The following IGDCC4 variants were observed in gnomAD, a reference collection of about 807,000 sequenced individuals.
The protein encoded by IGDCC4 is immunoglobulin superfamily DCC subclass member 4.
IGDCC4 carries 72 observed loss-of-function variants against 116.6 expected under a neutral mutation model. The ratio of observed to expected loss-of-function variants is 0.62; its 90% CI spans 0.51 to 0.75. IGDCC4 has a LOEUF of 0.75. Ranked by LOEUF, IGDCC4 falls within the 30% of genes least tolerant of loss-of-function variation. The pLI is 0.00. For synonymous variants in IGDCC4, 709 were observed against 719.9 expected (o/e 0.98, Z 0.24); for missense variants, 1,501 against 1,662.4 (o/e 0.90, Z 1.69).
chr15:65,388,333 C>A, intron 16 of IGDCC4, 116 bp downstream of exon 16: 2 of 1,404,536 alleles, frequency 1.4e-6, no homozygotes, highest in South Asian at 2.5e-5. Flanking sequence ...TTCACATTTG[C>A]TCTGCCCCCA....
chr15:65,391,118 T>C (rs2091510061), intron 12 of IGDCC4, among the ~76,000 whole-genome samples: 1 of 152,140 alleles, frequency 6.6e-6, no homozygotes, highest in South Asian at 2.1e-4. Flanking sequence ...TAATCCCAGC[T>C]GCTCAAGAGG....
intron 1 of IGDCC4, among the ~76,000 whole-genome samples, chr15:65,420,865 T>A (rs574869805): frequency 6.6e-6 from 1 of 152,156 alleles, no homozygotes; most frequent in Admixed American, 6.6e-5. Flanking sequence ...TTCCTGCGTC[T>A]TCCCCAGCAC....
chr15:65,397,666 T>TAAA (rs59114878), intron 5 of IGDCC4, among the ~76,000 whole-genome samples: 11 of 114,628 alleles, frequency 9.6e-5, no homozygotes, highest in African/African-American at 3.3e-4. Flanking sequence ...TCCGTCTCTA[T>TAAA]AAAAAAAAAA....
intron 1 of IGDCC4, among the ~76,000 whole-genome samples, chr15:65,415,292 GAACA>G (rs1399048059): frequency 2.0e-5 from 3 of 152,226 alleles, no homozygotes; most frequent in Admixed American, 1.3e-4. Flanking sequence ...CTGCTGCGTT[GAACA>G]AACAATGTGA....
chr15:65,422,151 C>T (rs1218383022), intron 1 of IGDCC4, among the ~76,000 whole-genome samples: 1 of 152,090 alleles, frequency 6.6e-6, no homozygotes, highest in Non-Finnish European at 1.5e-5. Context: ...AGCAACACCT[C>T]CCTCTACCCC....
intron 1 of IGDCC4, among the ~76,000 whole-genome samples, chr15:65,417,079 C>T (rs1198996700): frequency 1.3e-5 from 2 of 152,170 alleles, no homozygotes; most frequent in Non-Finnish European, 2.9e-5. Context: ...ATCAGTGCCT[C>T]CTCACTTCTG....
In IGDCC4 at chr15:65,422,925, G is replaced by T; in HGVS notation, c.-63C>A. ...CCCGTGCTTCGGCCGCCGCCGCGGG[G>T]GGAGAGCGCGCCGGGCGTCAGTGGC... is the stretch of plus-strand genomic sequence containing the variant. On this transcript the variant is annotated 5_prime_UTR_variant, in exon 1 of 20. Transcript: ENST00000352385. 2 of 965,146 alleles carry T rather than the reference G, an allele frequency of 2.1e-6. No individual in the cohort carries two copies. Among genetic ancestry groups the T allele is most frequent in the Non-Finnish European group, 2.5e-6 (2 of 813,716 alleles). 59.8% of individuals were successfully genotyped at this position (965,146 alleles called of 1,614,324 possible).
At chr15:65,412,020 C>A (rs945230897) in intron 1 of IGDCC4, among the ~76,000 whole-genome samples, 22 of 152,300 alleles carry the variant, frequency 1.4e-4, no homozygotes, top group Non-Finnish European at 2.2e-4. Context: ...AAAAGCATAC[C>A]AGCCTGGGTA....
intron 1 of IGDCC4, among the ~76,000 whole-genome samples, chr15:65,415,872 A>C (rs1338798452): frequency 2.0e-5 from 3 of 152,106 alleles, no homozygotes; most frequent in Non-Finnish European, 4.4e-5. Flanking sequence ...CCTAAGTCTC[A>C]CACTGAAAAC....
Position 65,415,017 on chromosome 15 carries a change from T to G in IGDCC4, c.71-3647A>C, listed in dbSNP as rs113863255. Reference sequence around the variant, plus strand: ...GGGAGCTTATTCTTTAAAGGCACTTTGTAACTATAAAGGGCTGTACAAGTG... The same window carrying G: ...GGGAGCTTATTCTTTAAAGGCACTTGGTAACTATAAAGGGCTGTACAAGTG... On this transcript the variant is annotated intron_variant, in intron 1 of 19. Transcript: ENST00000352385. Among the ~76,000 whole-genome samples the G allele has an allele frequency of 3.5e-3, 536 of 152,312 alleles. 1 individual carries two copies. The highest frequency in any genetic ancestry group is 0.013 in the African/African-American group (523 of 41,566).
rs143372325 is a variant in IGDCC4 at position 65,394,487 on chromosome 15, C to T, written c.1638G>A (p.Ala546=). The change falls in exon 9 of 20, where the codon GCG becomes GCA. Residue 546 remains alanine, a synonymous_variant. Coordinates refer to ENST00000352385, the MANE Select transcript of IGDCC4 (RefSeq NM_020962.3). ...SSPNPSDIRV[A]WLPLPPSLSN... is the part of the protein sequence containing the mutation. Reference sequence around the variant, plus strand: ...TCAGGCTGGGGGGCAGGGGCAGCCACGCCACCCTGATGTCCGAAGGGTTGG... The same window carrying T: ...TCAGGCTGGGGGGCAGGGGCAGCCATGCCACCCTGATGTCCGAAGGGTTGG... 63 of 1,613,724 alleles carry T rather than the reference C, an allele frequency of 3.9e-5. No homozygotes were observed. Among genetic ancestry groups the T allele is most frequent in the African/African-American group, 3.6e-4 (27 of 75,014 alleles).
intron 1 of IGDCC4, among the ~76,000 whole-genome samples, chr15:65,420,519 A>T (rs975803804): frequency 1.4e-4 from 21 of 151,836 alleles, no homozygotes; most frequent in African/African-American, 4.8e-4. Context: ...GCTCATGGGG[A>T]CTCTCAGGCC....
At chr15:65,416,132 T>C (rs2063140459) in intron 1 of IGDCC4, among the ~76,000 whole-genome samples, 1 of 146,110 alleles carries the variant, frequency 6.8e-6, no homozygotes, top group African/African-American at 2.6e-5. Flanking sequence ...CTAAAATGTT[T>C]TGACTTTTTT....
chr15:65,388,519 C>G lies in IGDCC4; in HGVS notation c.2775G>C (p.Ala925=), dbSNP rs182317592. 3 of 1,614,034 alleles carry G rather than the reference C, an allele frequency of 1.9e-6. No homozygotes were observed. The African/African-American group carries it at 4.0e-5, about 22-fold the overall frequency. ...SDTRYFFKMG[A]RTEVGPGPFS... ...AAGGCCCAGGTCCCACCTCTGTGCG[C>G]GCCCCCATCTTGAAGAAGTACCGAG... The change falls in exon 16 of 20, where the codon GCG becomes GCC. Residue 925 remains alanine, a synonymous_variant. Transcript: ENST00000352385.
At position 65,402,423 on chromosome 15, in the gene IGDCC4, A is replaced by G; in HGVS notation, c.628T>C (p.Tyr210His). ...GCTGAGTTGGTGGCCACGCAGCGGT[A>G]GGGGCCTGCATCACTCTCCTGAACA... ...LDVQESDAGP[Y>H]RCVATNSARQ... is the part of the protein sequence containing the mutation. Residue 210 changes from tyrosine (Y) to histidine (H), a missense_variant, in exon 4 of 20, where the codon TAC (tyrosine) becomes CAC (histidine). Coordinates refer to ENST00000352385, the MANE Select transcript of IGDCC4 (RefSeq NM_020962.3). 1 of 1,567,730 alleles carries G rather than the reference A, an allele frequency of 6.4e-7. No individual in the cohort carries two copies.
chr15:65,410,365 G>A (rs1567092285), intron 2 of IGDCC4, 46 bp from the exon 3 acceptor site: 1 of 1,609,258 alleles, frequency 6.2e-7, no homozygotes, highest in South Asian at 1.1e-5. Flanking sequence ...GAATAGGAGA[G>A]AGAAGCCACA....
chr15:65,422,558 G>A (rs1382129272), intron 1 of IGDCC4, among the ~76,000 whole-genome samples: 1 of 89,098 alleles, frequency 1.1e-5, no homozygotes, highest in Non-Finnish European at 2.3e-5. Context: ...ACACACACAC[G>A]ACTCCAGACT....
chr15:65,399,530 C>T (rs1193714523), intron 5 of IGDCC4, among the ~76,000 whole-genome samples: 2 of 151,822 alleles, frequency 1.3e-5, no homozygotes, highest in Non-Finnish European at 2.9e-5. Context: ...TAATAAGTCC[C>T]CTGGGTAACC....
chr15:65,418,830 G>T (rs866691936), intron 1 of IGDCC4, among the ~76,000 whole-genome samples: 3 of 152,092 alleles, frequency 2.0e-5, no homozygotes, highest in South Asian at 2.1e-4. Flanking sequence ...GGTGGGGGGG[G>T]TTAAGTGGAG....
Sources: gnomAD v4.1 joint callset for allele counts (sites outside exome capture counted in the v4.1 genomes callset) on GRCh38, gnomAD v4.1.1 for gene constraint, MANE v1.5 for transcripts, NCBI Gene and HGNC (gene_info 2026-07-23, HGNC 2026-07-21) for gene names.